The following TRMT10B variants were observed in gnomAD, a reference collection of about 807,000 sequenced individuals.
TRMT10B encodes the protein tRNA methyltransferase 10B.
TRMT10B carries 33 observed loss-of-function variants against 43.8 expected under a neutral mutation model. The observed-to-expected ratio is 0.75, with a 90% confidence interval of 0.57 to 1.01. The LOEUF (loss-of-function observed/expected upper bound fraction) is 1.01. Among genes scored for constraint, TRMT10B ranks in the 50% least tolerant of loss-of-function variants. The probability of loss-of-function intolerance (pLI) is 0.00; values close to 1 mark genes in which losing one functional copy is unlikely to be tolerated. For missense variants in TRMT10B, 362 were observed against 369.8 expected, an observed-to-expected ratio of 0.98 and a Z score of 0.17; for synonymous variants, 137 against 130.6, an observed-to-expected ratio of 1.05 and a Z score of -0.34.
upstream of TRMT10B, among the ~76,000 whole-genome samples, chr9:37,753,305 A>G (rs900891736): frequency 2.6e-5 from 4 of 152,236 alleles, no homozygotes; most frequent in South Asian, 4.1e-4. Flanking sequence ...TTGGAATTTG[A>G]TATTTTAGTT....
At chr9:37,773,315 C>T (rs1827790237) in intron 7 of TRMT10B, among the ~76,000 whole-genome samples, 1 of 149,970 alleles carries the variant, frequency 6.7e-6, no homozygotes, top group Non-Finnish European at 1.5e-5. Flanking sequence ...GAGACGAAGT[C>T]TCTTGATGTT....
At chr9:37,752,975 C>G (rs1004256749), upstream of TRMT10B, among the ~76,000 whole-genome samples, 4 of 152,236 alleles carry the variant, frequency 2.6e-5, no homozygotes, top group East Asian at 1.9e-4. Context: ...CTTGCTAACC[C>G]TTTGGGTCCC....
intron 4 of TRMT10B, 69 bp from the exon 5 acceptor site, chr9:37,768,007 C>T (rs1169325473): frequency 3.8e-6 from 6 of 1,572,634 alleles, no homozygotes; most frequent in Non-Finnish European, 4.3e-6. Flanking sequence ...TTATTGTAGC[C>T]ATTTCTTGAT....
Position 37,777,682 on chromosome 9 carries a change from A to G in TRMT10B, c.926A>G (p.Tyr309Cys). The G allele has an allele frequency of 2.5e-6, 4 of 1,613,996 alleles. No individual in the cohort carries two copies. The highest frequency in any genetic ancestry group is 2.2e-5 in the East Asian group (1 of 44,868). The change falls in exon 9 of 9, where the codon TAT (tyrosine) becomes TGT (cysteine). Residue 309 changes from tyrosine to cysteine, a missense_variant. Physicochemically the swap from Tyr to Cys is radical, Grantham distance 194 (BLOSUM62 -2). Transcript: ENST00000297994. The part of the protein sequence containing the change: ...LKKGVSSGKG[Y>C]ILRNSVE ...AAAGGAGTTTCTTCAGGAAAAGGCT[A>G]TATTCTTCGGAACTCAGTGGAATGA...
At chr9:37,763,516 A>G in intron 3 of TRMT10B, 113 bp from the exon 4 acceptor site, 2 of 830,278 alleles carry the variant, frequency 2.4e-6, no homozygotes, top group Non-Finnish European at 3.8e-6. Context: ...AATACCTTAC[A>G]TCAGTATCAA....
intron 4 of TRMT10B, 138 bp downstream of exon 4, chr9:37,763,891 G>T: frequency 6.5e-7 from 1 of 1,533,612 alleles, no homozygotes. Context: ...TTCTATACTG[G>T]GTTACTAAGT....
At chr9:37,777,465 C>G in intron 8 of TRMT10B, 136 bp from the exon 9 acceptor site, 4 of 659,466 alleles carry the variant, frequency 6.1e-6, no homozygotes, top group Non-Finnish European at 1.0e-5. Flanking sequence ...GTGTCCTTGC[C>G]TCTCCCCGCA....
chr9:37,775,445 T>C (rs1374314181), intron 7 of TRMT10B, among the ~76,000 whole-genome samples: 2 of 152,216 alleles, frequency 1.3e-5, no homozygotes, highest in African/African-American at 4.8e-5. Context: ...GAACATCTTA[T>C]AAAGGGACAT....
At chr9:37,760,221 C>T (rs1248823275) in intron 1 of TRMT10B, among the ~76,000 whole-genome samples, 1 of 152,166 alleles carries the variant, frequency 6.6e-6, no homozygotes, top group African/African-American at 2.4e-5. Context: ...ACTGGGGAGG[C>T]TGAAGCAGGA....
At chr9:37,754,975 T>C (rs1380466885) in intron 1 of TRMT10B, among the ~76,000 whole-genome samples, 1 of 152,116 alleles carries the variant, frequency 6.6e-6, no homozygotes, top group African/African-American at 2.4e-5. Flanking sequence ...GGGAGAGTTA[T>C]ATAAAGGTCA....
rs1828329937 is a variant in TRMT10B, at chr9:37,777,664, T to C, written c.908T>C (p.Val303Ala). The C allele has an allele frequency of 6.2e-7, 1 of 1,613,362 alleles. No individual in the cohort carries two copies. The highest frequency in any genetic ancestry group is 1.7e-5 in the Admixed American group (1 of 59,912). ...HNWPEALKKG[V>A]SSGKGYILRN... ...TGGCCTGAAGCATTGAAGAAAGGAG[T>C]TTCTTCAGGAAAAGGCTATATTCTT... Residue 303 changes from valine to alanine, a missense_variant, in exon 9 of 9, where the codon GTT becomes GCT. Physicochemically the swap from Val to Ala is moderately conservative, Grantham distance 64. Coordinates refer to ENST00000297994, the MANE Select transcript of TRMT10B (RefSeq NM_144964.4).
chr9:37,762,836 G>T, intron 3 of TRMT10B, 151 bp downstream of exon 3: 1 of 1,031,196 alleles, frequency 9.7e-7, no homozygotes, highest in Non-Finnish European at 1.4e-6. Flanking sequence ...AAACATCAAA[G>T]AAAGCAAAAT....
chr9:37,769,892 C>A, intron 5 of TRMT10B, 49 bp from the exon 6 acceptor site: 1 of 1,506,446 alleles, frequency 6.6e-7, no homozygotes, highest in Non-Finnish European at 9.2e-7. Flanking sequence ...CGTGAGCCAC[C>A]CCACCCAGCC....
chr9:37,769,583 G>C (rs569264484), intron 5 of TRMT10B: 1 of 214,526 alleles, frequency 4.7e-6, no homozygotes, highest in East Asian at 1.0e-4. Context: ...ATAGAAACTT[G>C]AAGCCCAGTA....
chr9:37,769,958 A>C lies in TRMT10B; in HGVS notation c.591A>C (p.Glu197Asp), dbSNP rs752556149. 17 of 1,614,024 alleles carry C rather than the reference A, an allele frequency of 1.1e-5. No individual in the cohort carries two copies. Among genetic ancestry groups the C allele is most frequent in the African/African-American group, 9.3e-5 (7 of 74,936 alleles). ...FSSYLLDITEEDCFSLFPLET... is the reference protein window; with the variant it reads ...FSSYLLDITEDDCFSLFPLET... ...TTTTCCAGTTAGACATAACAGAAGA[A>C]GACTGCTTTAGTTTATTTCCCTTGG... Residue 197 changes from glutamate (E) to aspartate (D), a missense_variant, in exon 6 of 9, where the codon GAA becomes GAC. By Grantham distance (45) the Glu-to-Asp change is conservative. Coordinates refer to ENST00000297994, the MANE Select transcript of TRMT10B (RefSeq NM_144964.4).
At chr9:37,774,699 TG>T (rs1254766963) in intron 7 of TRMT10B, among the ~76,000 whole-genome samples, 15 of 152,252 alleles carry the variant, frequency 9.9e-5, no homozygotes, top group African/African-American at 3.6e-4. Flanking sequence ...AATAAGTCCC[TG>T]TATCGCTTAA....
At chr9:37,776,477 C>G in intron 8 of TRMT10B, 72 bp downstream of exon 8, 1 of 1,490,526 alleles carries the variant, frequency 6.7e-7, no homozygotes, top group Non-Finnish European at 8.9e-7. Flanking sequence ...GTTTAAGTGG[C>G]CTTTGAGTCA....
chr9:37,763,143 CA>C (rs747893643), intron 3 of TRMT10B, among the ~76,000 whole-genome samples: 6,634 of 50,162 alleles, frequency 0.13, 189 homozygotes, highest in South Asian at 0.2. Flanking sequence ...GACTCTGTCT[CA>C]AAAAAAAAAA....
intron 8 of TRMT10B, among the ~76,000 whole-genome samples, 191 bp from the exon 9 acceptor site, chr9:37,777,410 G>GT (rs1408050856): frequency 1.3e-5 from 2 of 150,440 alleles, no homozygotes; most frequent in African/African-American, 2.5e-5. Context: ...TCATAGGCCT[G>GT]TATCTTTCAG....
Sources: allele counts gnomAD v4.1 joint callset (sites outside exome capture counted in the v4.1 genomes callset), GRCh38; gene constraint gnomAD v4.1.1; transcripts MANE v1.5; gene names NCBI Gene and HGNC (gene_info 2026-07-23, HGNC 2026-07-21).